WWOX: variants seen among roughly 807,000 people sequenced by gnomAD.
The protein encoded by WWOX is WW domain-containing oxidoreductase.
WWOX carries 69 observed loss-of-function variants against 46.2 expected under a neutral mutation model. That is an observed-to-expected ratio of 1.49 (90% confidence interval 1.23 to 1.82). WWOX has a LOEUF of 1.82. Among genes scored for constraint, WWOX ranks in the 40% most tolerant of loss-of-function variants. The probability of loss-of-function intolerance (pLI) is 0.00; values close to 1 mark genes in which losing one functional copy is unlikely to be tolerated. For synonymous variants in WWOX, 359 were observed against 202.6 expected, an observed-to-expected ratio of 1.77 and a Z score of -6.56; for missense variants, 919 against 542.6, an observed-to-expected ratio of 1.69 and a Z score of -6.89.
At chr16:78,315,532 C>A (rs1028330938) in intron 5 of WWOX, among the ~76,000 whole-genome samples, 1 of 152,118 alleles carries the variant, frequency 6.6e-6, no homozygotes, top group Non-Finnish European at 1.5e-5. Context: ...CAGCTGTAAT[C>A]CCAGCTGCTC....
At chr16:78,264,176 C>T (rs1432433761) in intron 5 of WWOX, among the ~76,000 whole-genome samples, 1 of 151,690 alleles carries the variant, frequency 6.6e-6, no homozygotes, top group Non-Finnish European at 1.5e-5. Flanking sequence ...CCACAGAGGG[C>T]CCCAGGGACC....
chr16:78,947,660 G>A (rs1597190510), intron 8 of WWOX, among the ~76,000 whole-genome samples: 1 of 152,122 alleles, frequency 6.6e-6, no homozygotes. Context: ...GAGGATAATC[G>A]CTTGCATTGT....
At chr16:78,456,818 T>G (rs1019836187) in intron 8 of WWOX, among the ~76,000 whole-genome samples, 4 of 152,242 alleles carry the variant, frequency 2.6e-5, no homozygotes, top group Non-Finnish European at 5.9e-5. Context: ...AATACCAACA[T>G]TAACAAACCA....
intron 8 of WWOX, among the ~76,000 whole-genome samples, chr16:78,953,764 G>A (rs867630134): frequency 6.6e-6 from 1 of 152,186 alleles, no homozygotes; most frequent in East Asian, 1.9e-4. Flanking sequence ...TTTCAAAGTC[G>A]AGCCAGACGT....
chr16:78,214,572 C>A (rs1162021893), intron 5 of WWOX, among the ~76,000 whole-genome samples: 2 of 152,162 alleles, frequency 1.3e-5, no homozygotes. Context: ...GCTGTCCCTT[C>A]TAATCATGCC....
intron 8 of WWOX, among the ~76,000 whole-genome samples, chr16:78,882,394 CTA>C (rs2044361309): frequency 6.6e-6 from 1 of 152,062 alleles, no homozygotes; most frequent in Admixed American, 6.6e-5. Context: ...CTTCCATCCT[CTA>C]TTTTATTACC....
At position 78,597,382 on chromosome 16, in the gene WWOX, C is replaced by G. The variant is rs111245082; in HGVS notation, c.1056+164630C>G. Among the ~76,000 whole-genome samples, 4 of 152,282 alleles carry G rather than the reference C, an allele frequency of 2.6e-5. No individual in the cohort carries two copies. In the East Asian group the frequency reaches 7.7e-4, roughly 29 times the overall value. On this transcript the variant is annotated intron_variant, in intron 8 of 8. Coordinates refer to ENST00000566780, the MANE Select transcript of WWOX (RefSeq NM_016373.4). ...CATTCATTTGGATTCTACGGTGGCTCTTTACCCATTGCCATCATTTTGTAG... is the reference window on the plus strand; with the variant it reads ...CATTCATTTGGATTCTACGGTGGCTGTTTACCCATTGCCATCATTTTGTAG...
chr16:78,663,952 C>A (rs760623980), intron 8 of WWOX, among the ~76,000 whole-genome samples: 3 of 152,200 alleles, frequency 2.0e-5, no homozygotes, highest in Non-Finnish European at 4.4e-5. Flanking sequence ...GCCAACCACA[C>A]ATGTGCAGCC....
At chr16:78,462,922 A>G (rs1052842550) in intron 8 of WWOX, among the ~76,000 whole-genome samples, 1 of 152,140 alleles carries the variant, frequency 6.6e-6, no homozygotes, top group Non-Finnish European at 1.5e-5. Context: ...ACCCCTTAGG[A>G]CATACTACAG....
At chr16:78,419,917 A>G (rs2082883254) in intron 6 of WWOX, among the ~76,000 whole-genome samples, 1 of 152,156 alleles carries the variant, frequency 6.6e-6, no homozygotes, top group Admixed American at 6.5e-5. Flanking sequence ...TGTATCTAGA[A>G]TAAAGAACTT....
intron 8 of WWOX, among the ~76,000 whole-genome samples, chr16:78,554,398 A>T (rs2044240930): frequency 6.6e-6 from 1 of 152,180 alleles, no homozygotes; most frequent in African/African-American, 2.4e-5. Flanking sequence ...AAAAAATTGC[A>T]ACCTGAGGCA....
intron 8 of WWOX, among the ~76,000 whole-genome samples, chr16:78,824,016 C>T (rs1490180919): frequency 6.6e-6 from 1 of 152,068 alleles, no homozygotes; most frequent in Non-Finnish European, 1.5e-5. Flanking sequence ...TCAAAGCAAT[C>T]CTCCTGCCTT....
intron 8 of WWOX, among the ~76,000 whole-genome samples, chr16:78,803,893 A>G (rs2050959330): frequency 6.6e-6 from 1 of 152,182 alleles, no homozygotes; most frequent in African/African-American, 2.4e-5. Flanking sequence ...CCAAATAACC[A>G]TCACCAGACA....
intron 5 of WWOX, among the ~76,000 whole-genome samples, chr16:78,259,359 C>G (rs1458820049): frequency 6.6e-6 from 1 of 152,186 alleles, no homozygotes; most frequent in East Asian, 1.9e-4. Context: ...CAGAGTCTTG[C>G]TCTGTCACCC....
At chr16:78,354,673 G>T (rs1301602936) in intron 5 of WWOX, among the ~76,000 whole-genome samples, 2 of 151,292 alleles carry the variant, frequency 1.3e-5, no homozygotes, top group African/African-American at 2.4e-5. Flanking sequence ...TTTGTTTTTT[G>T]GTTCAATGTA....
intron 5 of WWOX, among the ~76,000 whole-genome samples, chr16:78,245,442 A>G (rs2037787352): frequency 1.3e-5 from 2 of 152,224 alleles, no homozygotes. Context: ...AACGCTTGAG[A>G]AGTCCTGATA....
At chr16:78,891,429 A>G (rs1314351040) in intron 8 of WWOX, 1 of 152,198 alleles carries the variant, frequency 6.6e-6, no homozygotes, top group Non-Finnish European at 1.5e-5. Flanking sequence ...ATCTCACTAA[A>G]AGTAATTAGC....
chr16:78,152,593 G>C (rs2034456193), intron 4 of WWOX, among the ~76,000 whole-genome samples: 2 of 152,166 alleles, frequency 1.3e-5, no homozygotes, highest in Non-Finnish European at 2.9e-5. Context: ...TGTAGAATCT[G>C]TCTGCATGTG....
intron 8 of WWOX, among the ~76,000 whole-genome samples, chr16:78,776,493 A>G (rs893632642): frequency 1.3e-5 from 2 of 152,078 alleles, no homozygotes; most frequent in Admixed American, 6.6e-5. Flanking sequence ...CATAAATAGC[A>G]CCTGGAAAAG....
Sources: gnomAD v4.1 joint callset for allele counts (sites outside exome capture counted in the v4.1 genomes callset) on GRCh38, gnomAD v4.1.1 for gene constraint, MANE v1.5 for transcripts, NCBI Gene and HGNC (gene_info 2026-07-23, HGNC 2026-07-21) for gene names.